The following AUTS2 variants were observed in gnomAD, a reference collection of about 807,000 sequenced individuals.
AUTS2 encodes activator of transcription and developmental regulator AUTS2, also known as autism susceptibility gene 2 protein.
AUTS2 carries 17 observed loss-of-function variants against 112.4 expected under a neutral mutation model. The observed-to-expected ratio is 0.15, with a 90% CI of 0.10 to 0.23. The LOEUF is 0.23. Among genes scored for constraint, AUTS2 ranks in the 10% least tolerant of loss-of-function variants. The pLI is 1.00. For synonymous variants in AUTS2, 751 were observed against 702.7 expected (o/e 1.07, Z -1.09); for missense variants, 1,510 against 1,701.6 (o/e 0.89, Z 1.98).
chr7:69,658,932 C>G (rs1437592090), intron 1 of AUTS2, among the ~76,000 whole-genome samples: 1 of 152,162 alleles, frequency 6.6e-6, no homozygotes, highest in Admixed American at 6.5e-5. Flanking sequence ...TATGCTTTTG[C>G]TATTCACATA....
At chr7:70,650,302 G>A (rs1806432100) in intron 5 of AUTS2, among the ~76,000 whole-genome samples, 1 of 152,190 alleles carries the variant, frequency 6.6e-6, no homozygotes. Context: ...GGATTGCCAA[G>A]GGTGGCCTGA....
At chr7:70,660,627 C>G (rs891026921) in intron 5 of AUTS2, among the ~76,000 whole-genome samples, 2 of 152,206 alleles carry the variant, frequency 1.3e-5, no homozygotes, top group Non-Finnish European at 2.9e-5. Context: ...CAACCACCAC[C>G]GTGGCAGAGC....
At chr7:70,061,543 G>A (rs1376430686) in intron 2 of AUTS2, among the ~76,000 whole-genome samples, 1 of 152,076 alleles carries the variant, frequency 6.6e-6, no homozygotes, top group Non-Finnish European at 1.5e-5. Context: ...TTTCCAAATG[G>A]CATTATCCCT....
chr7:70,265,000 C>CT (rs1418087510), intron 4 of AUTS2, among the ~76,000 whole-genome samples: 1 of 152,200 alleles, frequency 6.6e-6, no homozygotes, highest in African/African-American at 2.4e-5. Context: ...TCATACCAAA[C>CT]ATTAGAGTTC....
At chr7:70,327,736 C>A (rs1447764999) in intron 4 of AUTS2, among the ~76,000 whole-genome samples, 1 of 152,196 alleles carries the variant, frequency 6.6e-6, no homozygotes, top group African/African-American at 2.4e-5. Context: ...CCTGCAAAAA[C>A]TTTCTATTCC....
At position 69,599,974 on chromosome 7, in the gene AUTS2, C is replaced by T. The variant is rs748341557; in HGVS notation, c.309+12C>T. 8 of 1,606,816 alleles carry T rather than the reference C, an allele frequency of 5.0e-6. No homozygotes were observed. In the East Asian group the frequency reaches 1.8e-4, roughly 36 times the overall value. Reference sequence around the variant, plus strand: ...TTGAAGCGCTGGAGGTAAGGGGGACCCCCCTTCCCCCGGGTTCCCTTTATG... The same window carrying T: ...TTGAAGCGCTGGAGGTAAGGGGGACTCCCCTTCCCCCGGGTTCCCTTTATG... On this transcript the variant is annotated intron_variant, in intron 1 of 18. Transcript: ENST00000342771. This position sits in a 1 kb window ranked among gnomAD's most constrained non-coding sequence, Gnocchi z 7.0.
chr7:69,794,448 T>C (rs1789750462), intron 1 of AUTS2, among the ~76,000 whole-genome samples: 1 of 152,122 alleles, frequency 6.6e-6, no homozygotes, highest in Non-Finnish European at 1.5e-5. Context: ...CAAGTAAAAG[T>C]GTATATGTTT....
chr7:69,682,516 A>G (rs938579701), intron 1 of AUTS2, among the ~76,000 whole-genome samples: 4 of 152,322 alleles, frequency 2.6e-5, no homozygotes, highest in Non-Finnish European at 4.4e-5. Flanking sequence ...CTGGATGTCT[A>G]TAGTTTTTTA....
chr7:69,933,357 G>C (rs1218284888), intron 2 of AUTS2, among the ~76,000 whole-genome samples: 1 of 152,162 alleles, frequency 6.6e-6, no homozygotes, highest in Non-Finnish European at 1.5e-5. Flanking sequence ...GAATGTTTAT[G>C]TAATAGATTT....
rs189985760 is a variant in AUTS2, at chr7:70,208,184, C to A, written c.660+73613C>A. Among the ~76,000 whole-genome samples the A allele has an allele frequency of 5.1e-3, 778 of 152,182 alleles. 13 individuals are homozygous for A. Among genetic ancestry groups the A allele is most frequent in the African/African-American group, 0.017 (726 of 41,520 alleles). ...GTATTTAAGGAGTGGTCATTAATAT[C>A]ATTAATTGGCTTAAGGCAAACTTTC... On this transcript the variant is annotated intron_variant, in intron 4 of 18. Coordinates refer to ENST00000342771, the MANE Select transcript of AUTS2 (RefSeq NM_015570.4).
intron 4 of AUTS2, among the ~76,000 whole-genome samples, chr7:70,179,028 G>A (rs1489053818): frequency 6.6e-6 from 1 of 152,042 alleles, no homozygotes; most frequent in Non-Finnish European, 1.5e-5. Context: ...TGTTTACCCT[G>A]GCCCCACCTT....
chr7:70,350,163 G>GTAGA (rs1289313502), intron 4 of AUTS2, among the ~76,000 whole-genome samples: 2 of 152,236 alleles, frequency 1.3e-5, no homozygotes, highest in African/African-American at 4.8e-5. Context: ...CATGGGCTAA[G>GTAGA]TAGATGAAGA....
At chr7:70,224,367 TACA>T (rs1811650595) in intron 4 of AUTS2, among the ~76,000 whole-genome samples, 1 of 149,342 alleles carries the variant, frequency 6.7e-6, no homozygotes, top group Admixed American at 6.6e-5. Context: ...TACAATACAA[TACA>T]ATACAATACA....
At chr7:70,655,049 C>T (rs1013788915) in intron 5 of AUTS2, among the ~76,000 whole-genome samples, 6 of 152,224 alleles carry the variant, frequency 3.9e-5, no homozygotes, top group Admixed American at 2.6e-4. Context: ...AAGTATCTTT[C>T]GGAACTCGGA....
chr7:69,901,482 G>A (rs986984911), intron 2 of AUTS2, among the ~76,000 whole-genome samples: 4 of 152,088 alleles, frequency 2.6e-5, no homozygotes, highest in South Asian at 4.1e-4. Context: ...TTTTATGATC[G>A]GAAAAGAAGA....
chr7:69,925,364 A>G (rs1284146274), intron 2 of AUTS2, among the ~76,000 whole-genome samples: 1 of 152,202 alleles, frequency 6.6e-6, no homozygotes, highest in Non-Finnish European at 1.5e-5. Flanking sequence ...CTTCTCTTCT[A>G]ATATAGCCTT....
intron 2 of AUTS2, among the ~76,000 whole-genome samples, chr7:70,006,900 C>T (rs1390550652): frequency 1.3e-5 from 2 of 152,250 alleles, no homozygotes; most frequent in Middle Eastern, 3.4e-3. Flanking sequence ...AGTACCTTTG[C>T]TTCCATAAGA....
intron 4 of AUTS2, among the ~76,000 whole-genome samples, chr7:70,390,622 A>C (rs1277072825): frequency 6.6e-6 from 1 of 151,918 alleles, no homozygotes; most frequent in Non-Finnish European, 1.5e-5. Context: ...GTTGAAGGAA[A>C]ACAAATGGAA....
intron 6 of AUTS2, among the ~76,000 whole-genome samples, chr7:70,700,936 A>T (rs1225103424): frequency 6.6e-6 from 1 of 152,232 alleles, no homozygotes; most frequent in African/African-American, 2.4e-5. Context: ...AGCCAAGAGC[A>T]ATAAAAAGCA....
Sources: gnomAD v4.1 joint callset for allele counts (sites outside exome capture counted in the v4.1 genomes callset) on GRCh38, gnomAD v4.1.1 for gene constraint, Gnocchi (gnomAD v3.1) non-coding constraint, MANE v1.5 for transcripts, NCBI Gene and HGNC (gene_info 2026-07-23, HGNC 2026-07-21) for gene names.